The following GLIS3 variants were observed in gnomAD, a reference collection of about 807,000 sequenced individuals.
GLIS3 encodes GLIS family zinc finger 3, also known as zinc finger protein GLIS3.
In GLIS3, 53 loss-of-function variants were observed where a neutral mutation model predicts 78.6. The observed-to-expected ratio is 0.67, with a 90% CI of 0.54 to 0.85. The LOEUF (loss-of-function observed/expected upper bound fraction) is 0.85, where lower values mean the gene tolerates loss of function less well. Ranked by LOEUF, GLIS3 falls within the 40% of genes least tolerant of loss-of-function variation. GLIS3 has a pLI of 0.00. For synonymous variants in GLIS3, 684 were observed against 509.9 expected, an observed-to-expected ratio of 1.34 and a Z score of -4.60; for missense variants, 1,703 against 1,231.1, an observed-to-expected ratio of 1.38 and a Z score of -5.74.
At chr9:4,313,225 C>G (rs1817391181) in intron 2 of GLIS3, among the ~76,000 whole-genome samples, 1 of 152,122 alleles carries the variant, frequency 6.6e-6, no homozygotes, top group Non-Finnish European at 1.5e-5. Context: ...TGAGTGTCAC[C>G]CTAAGCTTCC....
chr9:4,010,930 C>G (rs1302073295), intron 4 of GLIS3, among the ~76,000 whole-genome samples: 4 of 152,102 alleles, frequency 2.6e-5, no homozygotes, highest in Admixed American at 1.3e-4. Flanking sequence ...TGTAGATACG[C>G]ATGCATGTGT....
chr9:4,240,546 G>C (rs529254228), intron 2 of GLIS3, among the ~76,000 whole-genome samples: 2 of 152,176 alleles, frequency 1.3e-5, no homozygotes, highest in South Asian at 2.1e-4. Context: ...TTATAAACAA[G>C]ATTACAAGGG....
intron 4 of GLIS3, among the ~76,000 whole-genome samples, chr9:4,066,040 A>AT (rs71497515): frequency 0.059 from 3,817 of 64,614 alleles, 167 homozygotes; most frequent in African/African-American, 0.19. Flanking sequence ...CAAAGAATAT[A>AT]AAAAAAAAAA....
rs767479840 is a variant in GLIS3, at chr9:4,117,736, G to A, written c.1710+32C>T. On this transcript the variant is annotated intron_variant, in intron 4 of 10. Coordinates refer to ENST00000381971, the MANE Select transcript of GLIS3 (RefSeq NM_001042413.2). The stretch of plus-strand genomic sequence containing the variant: ...TACGCAAAGCAAGCCGGGCCTTCAA[G>A]AGAGGTCACCCCTTGCGCTTCGGAA... The A allele has an allele frequency of 1.1e-5, 17 of 1,614,036 alleles. No individual in the cohort carries two copies. In the South Asian group the frequency reaches 1.8e-4, roughly 17 times the overall value.
At chr9:3,938,237 C>T (rs961758578) in intron 4 of GLIS3, among the ~76,000 whole-genome samples, 6 of 152,012 alleles carry the variant, frequency 3.9e-5, no homozygotes, top group Non-Finnish European at 8.8e-5. Flanking sequence ...CTGAGAAATA[C>T]GGAACACCTA....
chr9:3,904,476 C>G (rs1299101097), intron 6 of GLIS3, among the ~76,000 whole-genome samples: 1 of 152,184 alleles, frequency 6.6e-6, no homozygotes, highest in Non-Finnish European at 1.5e-5. Context: ...CTCCACACTC[C>G]TACACACATA....
chr9:4,339,953 G>T (rs1272101341), intron 2 of GLIS3, among the ~76,000 whole-genome samples: 2 of 149,118 alleles, frequency 1.3e-5, no homozygotes, highest in East Asian at 2.0e-4. Flanking sequence ...TTCCTAGAGT[G>T]AACTTAAGAG....
chr9:4,242,933 A>C (rs1428263316), intron 2 of GLIS3, among the ~76,000 whole-genome samples: 1 of 152,158 alleles, frequency 6.6e-6, no homozygotes, highest in African/African-American at 2.4e-5. Flanking sequence ...TGTGTAGCTT[A>C]CACTATATTT....
intron 6 of GLIS3, among the ~76,000 whole-genome samples, chr9:3,923,495 A>T (rs1005979088): frequency 2.6e-5 from 4 of 152,158 alleles, no homozygotes; most frequent in African/African-American, 9.7e-5. Flanking sequence ...TTAAAGGAGA[A>T]TTTCACAGAC....
In GLIS3 at chr9:4,315,119, A is replaced by G. The variant is rs1280670672; in HGVS notation, n.265-4591T>C. ...TTTTCTCGGAGATACAACTCCCACC[A>G]AAGAGAAGAGAAAGAGTCTAATTTT... is the stretch of plus-strand genomic sequence containing the variant. On this transcript the variant is annotated intron_variant and non_coding_transcript_variant, in intron 2 of 4. Coordinates refer to the GLIS3 transcript ENST00000471664. Among the ~76,000 whole-genome samples the G allele has an allele frequency of 2.0e-5, 3 of 152,318 alleles. No individual in the cohort carries two copies. The East Asian group carries it at 5.8e-4, about 29-fold the overall frequency.
At chr9:4,239,425 T>C (rs1823088528) in intron 2 of GLIS3, among the ~76,000 whole-genome samples, 1 of 152,104 alleles carries the variant, frequency 6.6e-6, no homozygotes. Flanking sequence ...GTATTCGTAT[T>C]CCAATGAACG....
chr9:4,403,649 T>A, the GLIS3 span, among the ~76,000 whole-genome samples: 1 of 152,186 alleles, frequency 6.6e-6, no homozygotes, highest in Non-Finnish European at 1.5e-5. Flanking sequence ...TAAGTTGTCA[T>A]CAGTTTAAAA....
the GLIS3 span, among the ~76,000 whole-genome samples, chr9:4,406,690 T>A: frequency 1.3e-5 from 2 of 152,016 alleles, no homozygotes; most frequent in Non-Finnish European, 2.9e-5. Flanking sequence ...TAAAAAGCAA[T>A]CCCATTTACA....
chr9:4,046,735 G>A (rs896266368), intron 4 of GLIS3, among the ~76,000 whole-genome samples: 1 of 152,160 alleles, frequency 6.6e-6, no homozygotes, highest in African/African-American at 2.4e-5. Flanking sequence ...GGATAATGCA[G>A]GAACTCTAAA....
intron 4 of GLIS3, chr9:4,071,710 G>C (rs1228287303): frequency 6.6e-6 from 1 of 152,154 alleles, no homozygotes; most frequent in Admixed American, 6.5e-5. Flanking sequence ...TCAGAGGAAA[G>C]AAGGACAAAA....
chr9:4,321,651 T>A (rs1445716560), intron 2 of GLIS3, among the ~76,000 whole-genome samples: 1 of 132,394 alleles, frequency 7.6e-6, no homozygotes, highest in African/African-American at 2.9e-5. Context: ...ACCTCCCATT[T>A]CTTCTCTGCT....
intron 4 of GLIS3, among the ~76,000 whole-genome samples, chr9:4,048,784 C>G (rs1273407010): frequency 6.6e-6 from 1 of 152,172 alleles, no homozygotes; most frequent in Non-Finnish European, 1.5e-5. Flanking sequence ...TAGGCCTAGC[C>G]TATGCACCTG....
At chr9:4,160,876 G>A (rs1393901158) in intron 2 of GLIS3, among the ~76,000 whole-genome samples, 1 of 152,130 alleles carries the variant, frequency 6.6e-6, no homozygotes, top group Non-Finnish European at 1.5e-5. Flanking sequence ...CTCATTGTGT[G>A]TGCAACACCT....
At chr9:4,057,677 C>A (rs571653575) in intron 4 of GLIS3, among the ~76,000 whole-genome samples, 2 of 151,198 alleles carry the variant, frequency 1.3e-5, no homozygotes, top group Non-Finnish European at 2.9e-5. Context: ...AAGGTCAGAT[C>A]GACTTCCTAG....
Sources: gnomAD v4.1 joint callset for allele counts (sites outside exome capture counted in the v4.1 genomes callset) on GRCh38, gnomAD v4.1.1 for gene constraint, MANE v1.5 for transcripts, NCBI Gene and HGNC (gene_info 2026-07-23, HGNC 2026-07-21) for gene names.